The following SIGLEC15 variants were observed in gnomAD, a reference collection of about 807,000 sequenced individuals.
SIGLEC15 encodes the protein sialic acid-binding Ig-like lectin 15.
A neutral mutation model predicts 26.2 loss-of-function variants in SIGLEC15; 31 were observed. The observed-to-expected ratio is 1.18, with a 90% CI of 0.89 to 1.60. The LOEUF is 1.60. Ranked by LOEUF, SIGLEC15 falls within the 40% of genes most tolerant of loss-of-function variation. The pLI is 0.00. For missense variants in SIGLEC15, 501 were observed against 488.4 expected, an observed-to-expected ratio of 1.03 and a Z score of -0.24; for synonymous variants, 207 against 221.9, an observed-to-expected ratio of 0.93 and a Z score of 0.60.
intron 3 of SIGLEC15, among the ~76,000 whole-genome samples, chr18:45,838,135 C>G (rs981645960): frequency 6.6e-6 from 1 of 152,198 alleles, no homozygotes; most frequent in African/African-American, 2.4e-5. Flanking sequence ...TAGGCATTGC[C>G]GTGACTCTCG....
At chr18:45,838,044 T>A in intron 3 of SIGLEC15, 148 bp downstream of exon 3, 2 of 1,097,670 alleles carry the variant, frequency 1.8e-6, no homozygotes, top group Non-Finnish European at 2.4e-6. Flanking sequence ...ATCTCACACC[T>A]GGGGGTAGTT....
intron 4 of SIGLEC15, among the ~76,000 whole-genome samples, 199 bp from the exon 5 acceptor site, chr18:45,840,012 T>G (rs988247488): frequency 6.6e-6 from 1 of 152,166 alleles, no homozygotes; most frequent in Non-Finnish European, 1.5e-5. Flanking sequence ...TTTACTGGAT[T>G]GCTCCTCAGT....
At chr18:45,837,174 GT>G in intron 2 of SIGLEC15, 86 bp downstream of exon 2, 1 of 1,565,296 alleles carries the variant, frequency 6.4e-7, no homozygotes. Context: ...CACAGGGCAG[GT>G]TTTGATGGGG....
rs372465193 is a variant in SIGLEC15, at chr18:45,842,442, T to TGTGTGA, written c.*256_*257insTGTGAG. ...ATACGTCTGTGTGTGTGTGTGTGTG[T>TGTGTGA]GAGAGAGAGAGAGAGAGAGTACACG... On this transcript the variant is annotated 3_prime_UTR_variant, in exon 6 of 6. Coordinates refer to ENST00000389474, the MANE Select transcript of SIGLEC15 (RefSeq NM_213602.3). The TGTGTGA allele has an allele frequency of 4.1e-5, 14 of 344,974 alleles. No individual in the cohort carries two copies. The highest frequency in any genetic ancestry group is 2.6e-4 in the African/African-American group (12 of 46,864). 21.4% of individuals were successfully genotyped at this position (344,974 alleles called of 1,614,324 possible). A position where few individuals can be genotyped will look rare whatever the true frequency, so the allele number is the denominator to read the frequency against.
In SIGLEC15 at chr18:45,842,328, G is replaced by A; in HGVS notation, c.*141G>A. 4 of 791,866 alleles carry A rather than the reference G, an allele frequency of 5.1e-6. No homozygotes were observed. The highest frequency in any genetic ancestry group is 8.2e-6 in the Non-Finnish European group (4 of 485,264). The allele number at this position is 791,866 out of a possible 1,614,324, so 49.1% of individuals were successfully genotyped here. On this transcript the variant is annotated 3_prime_UTR_variant, in exon 6 of 6. Coordinates refer to ENST00000389474, the MANE Select transcript of SIGLEC15 (RefSeq NM_213602.3). ...TGGCTCCTCCCCTGCTCAAGGTCAA[G>A]ACCCTGCTCAAGGAGGCTCATCTGG...
Position 45,842,471 on chromosome 18 carries a change from T to C in SIGLEC15, c.*284T>C. On this transcript the variant is annotated 3_prime_UTR_variant, in exon 6 of 6. Coordinates refer to ENST00000389474, the MANE Select transcript of SIGLEC15 (RefSeq NM_213602.3). ...AGAGAGAGAGAGAGAGTACACGCATTAGCTTGAGCGTGAAACTTCCAGAAA... is the reference window on the plus strand; with the variant it reads ...AGAGAGAGAGAGAGAGTACACGCATCAGCTTGAGCGTGAAACTTCCAGAAA... 1 of 380,552 alleles carries C rather than the reference T, an allele frequency of 2.6e-6. No homozygotes were observed. Among genetic ancestry groups the C allele is most frequent in the Non-Finnish European group, 4.8e-6 (1 of 208,120 alleles). 23.6% of individuals were successfully genotyped at this position (380,552 alleles called of 1,614,324 possible).
At chr18:45,841,969 A>G in intron 5 of SIGLEC15, 137 bp from the exon 6 acceptor site, 1 of 795,988 alleles carries the variant, frequency 1.3e-6, no homozygotes, top group Non-Finnish European at 2.1e-6. Context: ...GATGCCATTC[A>G]TCTCTGAGCC....
intron 1 of SIGLEC15, among the ~76,000 whole-genome samples, chr18:45,834,296 G>C (rs1345904211): frequency 6.6e-6 from 1 of 152,214 alleles, no homozygotes; most frequent in African/African-American, 2.4e-5. Context: ...TGAGAGGCAG[G>C]TACCATGCTG....
intron 1 of SIGLEC15, among the ~76,000 whole-genome samples, chr18:45,828,085 C>T (rs1160068436): frequency 6.6e-6 from 1 of 152,224 alleles, no homozygotes; most frequent in Non-Finnish European, 1.5e-5. Context: ...AGCCTCTCCT[C>T]ATGGCTCAGC....
At chr18:45,838,422 A>G (rs367665369) in intron 3 of SIGLEC15, 9 of 491,766 alleles carry the variant, frequency 1.8e-5, no homozygotes, top group African/African-American at 1.4e-4. Flanking sequence ...ATGGCCACTT[A>G]GCATTTGCTA....
chr18:45,838,577 C>T, intron 3 of SIGLEC15, 141 bp from the exon 4 acceptor site: 1 of 1,127,410 alleles, frequency 8.9e-7, no homozygotes, highest in Non-Finnish European at 1.2e-6. Flanking sequence ...CCCAAGGCCA[C>T]ATCTGTATTG....
At chr18:45,840,487 G>A (rs187274750) in intron 5 of SIGLEC15, among the ~76,000 whole-genome samples, 200 of 152,266 alleles carry the variant, frequency 1.3e-3, no homozygotes, top group African/African-American at 4.6e-3. Flanking sequence ...GTTTCTTCCT[G>A]TAGTTTCCCC....
chr18:45,828,958 A>T, intron 1 of SIGLEC15: 2 of 301,682 alleles, frequency 6.6e-6, no homozygotes, highest in Non-Finnish European at 9.8e-6. Context: ...GAGCCAGGGC[A>T]CTTCTCTCCC....
rs759755092 is a variant in SIGLEC15 at position 45,838,974 on chromosome 18, C to A, written c.753C>A (p.Tyr251Ter). ...TGGGCCGCTCCGAGGCCAGCGTCTA[C>A]CTGTTCCGCTTCCATGGCGCCAGCG... ...NSLGRSEASV[Y>*]LFRFHGASGA... The change falls in exon 4 of 6, where the codon TAC (tyrosine) becomes TAA (stop). Residue 251 changes from tyrosine (Y) to a stop codon, truncating the protein, a stop_gained. Coordinates refer to ENST00000389474, the MANE Select transcript of SIGLEC15 (RefSeq NM_213602.3). LOFTEE classifies it high-confidence loss of function. The A allele has an allele frequency of 1.9e-6, 3 of 1,602,832 alleles. No individual in the cohort carries two copies. The highest frequency in any genetic ancestry group is 2.5e-6 in the Non-Finnish European group (3 of 1,177,934).
In SIGLEC15 at chr18:45,842,126, A is replaced by G. The variant is rs773412962; in HGVS notation, c.926A>G (p.Asn309Ser). The G allele has an allele frequency of 8.7e-6, 14 of 1,614,074 alleles. No individual in the cohort carries two copies. The highest frequency in any genetic ancestry group is 1.3e-5 in the African/African-American group (1 of 74,926). Residue 309 changes from asparagine to serine, a missense_variant, in exon 6 of 6, where the codon AAT becomes AGT. Transcript: ENST00000389474. ...CACAGGTCCCAGGCCCAGGAGTCCA[A>G]TTATGAAAATTTGAGCCAGATGAAC... ...TPPRSQAQES[N>S]YENLSQMNPR... is the part of the protein sequence containing the mutation.
chr18:45,837,441 G>C, intron 2 of SIGLEC15, 72 bp from the exon 3 acceptor site: 1 of 1,411,976 alleles, frequency 7.1e-7, no homozygotes, highest in Non-Finnish European at 9.2e-7. Flanking sequence ...TGGGTCGTGG[G>C]GTTTCCAGGC....
At chr18:45,826,104 T>C (rs773613314) in intron 1 of SIGLEC15, among the ~76,000 whole-genome samples, 3 of 152,148 alleles carry the variant, frequency 2.0e-5, no homozygotes, top group Non-Finnish European at 4.4e-5. Context: ...TCACAGGCTC[T>C]GAACAAGCTT....
At chr18:45,837,204 T>C (rs1024501355) in intron 2 of SIGLEC15, 116 bp downstream of exon 2, 2 of 1,488,248 alleles carry the variant, frequency 1.3e-6, no homozygotes, top group Non-Finnish European at 1.8e-6. Flanking sequence ...AGGGTAAGAA[T>C]ATGGGGTCAA....
At position 45,840,198 on chromosome 18, in the gene SIGLEC15, G is replaced by A; in HGVS notation, c.875-13G>A. On this transcript the variant is annotated splice_polypyrimidine_tract_variant and intron_variant, in intron 4 of 5. Transcript: ENST00000389474. ...GGAGATTCATGCCTGCTCTCTTGCT[G>A]TCCCTCCCACAGAGCATCTGGACAC... is the stretch of plus-strand genomic sequence containing the variant. The A allele has an allele frequency of 6.2e-7, 1 of 1,612,966 alleles. No homozygotes were observed. Among genetic ancestry groups the A allele is most frequent in the Non-Finnish European group, 8.5e-7 (1 of 1,179,538 alleles).
Sources: gnomAD v4.1 joint callset for allele counts (sites outside exome capture counted in the v4.1 genomes callset) on GRCh38, gnomAD v4.1.1 for gene constraint, MANE v1.5 for transcripts, NCBI Gene and HGNC (gene_info 2026-07-23, HGNC 2026-07-21) for gene names.